CHD6: variants seen among roughly 807,000 people sequenced by gnomAD.
CHD6 encodes the protein chromodomain helicase DNA binding protein 6.
Under a neutral mutation model 276.9 loss-of-function variants are expected in CHD6, and 50 were observed. The observed-to-expected ratio is 0.18, with a 90% CI of 0.14 to 0.23. The LOEUF is 0.23. CHD6 is among the 10% of genes least tolerant of loss of function. The pLI is 1.00. For synonymous variants in CHD6, 1,173 were observed against 1,229.3 expected, an observed-to-expected ratio of 0.95 and a Z score of 0.96; for missense variants, 2,564 against 3,365.8, an observed-to-expected ratio of 0.76 and a Z score of 5.89.
chr20:41,615,394 T>C (rs2045925604), intron 1 of CHD6, among the ~76,000 whole-genome samples: 1 of 151,812 alleles, frequency 6.6e-6, no homozygotes, highest in Non-Finnish European at 1.5e-5. Context: ...ATCTCAGCTC[T>C]GGCTATCATT....
At chr20:41,601,546 G>C (rs2045773505) in intron 1 of CHD6, among the ~76,000 whole-genome samples, 1 of 152,162 alleles carries the variant, frequency 6.6e-6, no homozygotes, top group African/African-American at 2.4e-5. Context: ...AAAGATTATG[G>C]GATCTGCCAG....
At chr20:41,513,957 C>T (rs2044186249) in intron 4 of CHD6, among the ~76,000 whole-genome samples, 1 of 152,168 alleles carries the variant, frequency 6.6e-6, no homozygotes, top group Admixed American at 6.5e-5. Context: ...ACACCTAATT[C>T]CCTGCCAAAT....
At chr20:41,451,713 A>G (rs1184237690) in intron 22 of CHD6, 113 bp downstream of exon 22, 2 of 918,724 alleles carry the variant, frequency 2.2e-6, no homozygotes, top group African/African-American at 3.3e-5. Flanking sequence ...ACATTCTGAA[A>G]AACACCCGAG....
rs543298052 is a variant in CHD6, at chr20:41,610,589, G to A, written c.-24+7751C>T. 8.2e-4 allele frequency among the ~76,000 whole-genome samples: 124 copies of A among 152,036 alleles called. 1 individual carries two copies. The highest frequency in any genetic ancestry group is 2.7e-3 in the African/African-American group (114 of 41,488). On this transcript the variant is annotated intron_variant, in intron 1 of 36. Coordinates refer to ENST00000373233, the MANE Select transcript of CHD6 (RefSeq NM_032221.5). Reference sequence around the variant, plus strand: ...ATCCTGGCTAACATGGTGAAACCCCGTCTCTACTAAAAATACAAAAAATTA... The same window carrying A: ...ATCCTGGCTAACATGGTGAAACCCCATCTCTACTAAAAATACAAAAAATTA...
intron 1 of CHD6, among the ~76,000 whole-genome samples, chr20:41,608,377 C>T (rs2045851746): frequency 6.6e-6 from 1 of 152,170 alleles, no homozygotes. Flanking sequence ...CCCATTCTTA[C>T]TAATTTAAGA....
chr20:41,555,730 G>A (rs2045223173), intron 1 of CHD6, among the ~76,000 whole-genome samples: 1 of 151,596 alleles, frequency 6.6e-6, no homozygotes, highest in Admixed American at 6.6e-5. Context: ...TTCCTAGATG[G>A]GATGGCGGCC....
At chr20:41,534,118 A>G (rs1323424428) in intron 2 of CHD6, among the ~76,000 whole-genome samples, 3 of 152,232 alleles carry the variant, frequency 2.0e-5, no homozygotes, top group African/African-American at 7.2e-5. Flanking sequence ...TGGTGTTGCA[A>G]AAAATATTTA....
chr20:41,549,680 A>T (rs1232301060), intron 2 of CHD6, among the ~76,000 whole-genome samples: 1 of 151,988 alleles, frequency 6.6e-6, no homozygotes, highest in Non-Finnish European at 1.5e-5. Flanking sequence ...TTTTGGGTCC[A>T]TAAAAAAAAA....
chr20:41,490,977 A>G (rs546684995), intron 11 of CHD6, among the ~76,000 whole-genome samples: 1 of 152,212 alleles, frequency 6.6e-6, no homozygotes, highest in East Asian at 1.9e-4. Context: ...CAAAAAAGGT[A>G]TACCTATACA....
chr20:41,447,109 T>C (rs2048093306), intron 24 of CHD6, among the ~76,000 whole-genome samples: 1 of 152,214 alleles, frequency 6.6e-6, no homozygotes, highest in South Asian at 2.1e-4. Context: ...AGTTGCCCCA[T>C]GGGTCGGGTT....
chr20:41,497,915 T>C, intron 7 of CHD6: 1 of 481,620 alleles, frequency 2.1e-6, no homozygotes, highest in East Asian at 3.7e-5. Context: ...CAACAATCCT[T>C]GGGCCCCACT....
chr20:41,544,623 TTTAATA>T (rs1465517232), intron 2 of CHD6, among the ~76,000 whole-genome samples: 6 of 151,164 alleles, frequency 4.0e-5, no homozygotes, highest in African/African-American at 1.5e-4. Context: ...AATATTAAAT[TTTAATA>T]TTAACATATA....
chr20:41,548,409 C>A (rs73613203), intron 2 of CHD6, among the ~76,000 whole-genome samples: 3,362 of 152,206 alleles, frequency 0.022, 46 homozygotes, highest in South Asian at 0.04. Context: ...TCACAAGAAA[C>A]CAGAATTCAT....
At chr20:41,459,873 G>C (rs2048491190) in intron 17 of CHD6, among the ~76,000 whole-genome samples, 1 of 152,256 alleles carries the variant, frequency 6.6e-6, no homozygotes, top group Non-Finnish European at 1.5e-5. Context: ...TTGGAACTGG[G>C]TAATAGGCAG....
chr20:41,422,912 T>C (rs1200645572), intron 30 of CHD6, among the ~76,000 whole-genome samples: 2 of 152,208 alleles, frequency 1.3e-5, no homozygotes, highest in African/African-American at 4.8e-5. Flanking sequence ...GTAGGCTCAA[T>C]GGTTGCTTTG....
rs2044748244 is a variant in CHD6 at position 41,533,652 on chromosome 20, A to G, written c.34-82T>C. 3.9e-6 allele frequency: 5 copies of G among 1,265,880 alleles called. No homozygotes were observed. The South Asian group carries it at 4.4e-5, about 11-fold the overall frequency. The allele number at this position is 1,265,880 out of a possible 1,614,324, so 78.4% of individuals were successfully genotyped here. A position where few individuals can be genotyped will look rare whatever the true frequency, so the allele number is the denominator to read the frequency against. Reference sequence around the variant, plus strand: ...AGAGTTACCCAGTTTGAATACATGGATTTGCTCAACAAATATTTACTGAGT... The same window carrying G: ...AGAGTTACCCAGTTTGAATACATGGGTTTGCTCAACAAATATTTACTGAGT... On this transcript the variant is annotated intron_variant, in intron 2 of 36. Coordinates refer to ENST00000373233, the MANE Select transcript of CHD6 (RefSeq NM_032221.5).
chr20:41,575,917 A>G (rs1179701843), intron 1 of CHD6, among the ~76,000 whole-genome samples: 1 of 152,220 alleles, frequency 6.6e-6, no homozygotes, highest in Admixed American at 6.5e-5. Context: ...CCATAATTCT[A>G]TGACTCATTC....
At chr20:41,582,776 G>C (rs2045554420) in intron 1 of CHD6, among the ~76,000 whole-genome samples, 1 of 152,166 alleles carries the variant, frequency 6.6e-6, no homozygotes, top group South Asian at 2.1e-4. Flanking sequence ...AACTTCAACA[G>C]AAAGATGAAA....
At chr20:41,433,819 G>A (rs2047619546) in intron 27 of CHD6, among the ~76,000 whole-genome samples, 1 of 152,104 alleles carries the variant, frequency 6.6e-6, no homozygotes, top group Non-Finnish European at 1.5e-5. Context: ...ATGGAAGAGG[G>A]TAAAGGAACA....
Sources: gnomAD v4.1 joint callset for allele counts (sites outside exome capture counted in the v4.1 genomes callset) on GRCh38, gnomAD v4.1.1 for gene constraint, MANE v1.5 for transcripts, NCBI Gene and HGNC (gene_info 2026-07-23, HGNC 2026-07-21) for gene names.